SKP1: variants seen among roughly 807,000 people sequenced by gnomAD.
The protein encoded by SKP1 is S-phase kinase-associated protein 1.
Under a neutral mutation model 21.5 loss-of-function variants are expected in SKP1, and 1 was observed. The ratio of observed to expected loss-of-function variants is 0.05; its 90% confidence interval spans 0.02 to 0.22. SKP1 has a LOEUF of 0.22. SKP1 is among the 10% of genes least tolerant of loss of function. The pLI is 1.00. For missense variants in SKP1, 70 were observed against 192.0 expected (o/e 0.36, Z 3.76); for synonymous variants, 59 against 59.3 (o/e 0.99, Z 0.03).
In SKP1 at chr5:134,150,590, T is replaced by G. The variant is rs975497428; in HGVS notation, c.*7143A>C. 29 of 152,344 alleles carry G rather than the reference T, an allele frequency of 1.9e-4. No individual in the cohort carries two copies. Among genetic ancestry groups the G allele is most frequent in the African/African-American group, 7.0e-4 (29 of 41,588 alleles). 9.4% of individuals were successfully genotyped at this position (152,344 alleles called of 1,614,324 possible). The stretch of plus-strand genomic sequence containing the variant: ...AAGTTGGCTTTTCTTTGAGGTTCTT[T>G]GAGAGTCCTTAACTGCGACTCTCAG... On this transcript the variant is annotated 3_prime_UTR_variant, in exon 6 of 6. Coordinates refer to ENST00000353411, the MANE Select transcript of SKP1 (RefSeq NM_170679.3).
chr5:134,168,995 G>A (rs1273272411), intron 2 of SKP1, among the ~76,000 whole-genome samples: 1 of 152,072 alleles, frequency 6.6e-6, no homozygotes, highest in Non-Finnish European at 1.5e-5. Context: ...TCAAGCAAAT[G>A]GCTGTGTAGA....
chr5:134,174,607 T>C, intron 1 of SKP1: 1 of 360,842 alleles, frequency 2.8e-6, no homozygotes, highest in Non-Finnish European at 3.9e-6. Flanking sequence ...AAAAGCTTCA[T>C]TTCAGAGCCC....
Position 134,153,943 on chromosome 5 carries a change from T to C in SKP1, c.*3790A>G, listed in dbSNP as rs890229230. The C allele has an allele frequency of 1.7e-4, 26 of 152,342 alleles. No homozygotes were observed. Among genetic ancestry groups the C allele is most frequent in the African/African-American group, 5.5e-4 (23 of 41,580 alleles). The allele number at this position is 152,342 out of a possible 1,614,324, so 9.4% of individuals were successfully genotyped here. On this transcript the variant is annotated 3_prime_UTR_variant, in exon 6 of 6. Coordinates refer to ENST00000353411, the MANE Select transcript of SKP1 (RefSeq NM_170679.3). ...TTACCTGTCCAACCAAGTCACAATA[T>C]AGTTCTTGCTTAATTCCAGGAGCTG...
At chr5:134,158,324 G>A (rs1761156145) in intron 5 of SKP1, 131 bp downstream of exon 5, 3 of 1,564,194 alleles carry the variant, frequency 1.9e-6, no homozygotes, top group Non-Finnish European at 1.7e-6. Context: ...GTATGTTTAA[G>A]ACACATTAAG....
chr5:134,174,045 A>G (rs3815506), intron 1 of SKP1, 23 bp from the exon 2 acceptor site: 117,968 of 1,410,658 alleles, frequency 0.084, 8,529 homozygotes, highest in African/African-American at 0.33. Context: ...GACATTAAAT[A>G]TAAAATTTAA....
rs994583322 is a variant in SKP1 at position 134,152,994 on chromosome 5, C to T, written c.*4739G>A. On this transcript the variant is annotated 3_prime_UTR_variant, in exon 6 of 6. Transcript: ENST00000353411. Reference sequence around the variant, plus strand: ...AGGAGCTACACTTTAAGGATTCAGCCATTTTGTAAGCTTTCCCTTTGCTTG... The same window carrying T: ...AGGAGCTACACTTTAAGGATTCAGCTATTTTGTAAGCTTTCCCTTTGCTTG... The T allele has an allele frequency of 6.6e-6, 1 of 152,232 alleles. No individual in the cohort carries two copies. The highest frequency in any genetic ancestry group is 1.5e-5 in the Non-Finnish European group (1 of 68,040). The allele number at this position is 152,232 out of a possible 1,614,324, so 9.4% of individuals were successfully genotyped here.
In SKP1 at chr5:134,148,998, T is replaced by A. The variant is rs181448846; in HGVS notation, c.*8735A>T. 7.2e-5 allele frequency: 11 copies of A among 152,344 alleles called. No homozygotes were observed. The allele number at this position is 152,344 out of a possible 1,614,324, so 9.4% of individuals were successfully genotyped here. ...TATTTTTAGATTATTTGTATACATT[T>A]AGGGGGTACAAATGCAGCTGTGTTA... On this transcript the variant is annotated 3_prime_UTR_variant, in exon 6 of 6. Transcript: ENST00000353411.
In SKP1 at chr5:134,152,322, A is replaced by G. The variant is rs1021190646; in HGVS notation, c.*5411T>C. ...AAAGTACTGTGACTAATCCTGCCCT[A>G]ATTTCTCTTTAGTCTATATTCTCAG... On this transcript the variant is annotated 3_prime_UTR_variant, in exon 6 of 6. Coordinates refer to ENST00000353411, the MANE Select transcript of SKP1 (RefSeq NM_170679.3). 1.3e-5 allele frequency: 2 copies of G among 152,210 alleles called. No individual in the cohort carries two copies. The highest frequency in any genetic ancestry group is 2.9e-5 in the Non-Finnish European group (2 of 68,058). The allele number at this position is 152,210 out of a possible 1,614,324, so 9.4% of individuals were successfully genotyped here.
intron 4 of SKP1, among the ~76,000 whole-genome samples, chr5:134,159,431 A>C (rs1318191760): frequency 6.6e-6 from 1 of 152,116 alleles, no homozygotes; most frequent in African/African-American, 2.4e-5. Context: ...CCCAGGCTGG[A>C]ATTCAGTGGC....
At chr5:134,175,904 G>C (rs1456939804) in intron 1 of SKP1, among the ~76,000 whole-genome samples, 1 of 149,758 alleles carries the variant, frequency 6.7e-6, no homozygotes, top group Admixed American at 6.7e-5. Flanking sequence ...TCCATGGCCA[G>C]CATAAAGCGG....
At chr5:134,171,630 A>T (rs1761441507) in intron 2 of SKP1, among the ~76,000 whole-genome samples, 1 of 152,168 alleles carries the variant, frequency 6.6e-6, no homozygotes, top group Non-Finnish European at 1.5e-5. Context: ...CAGCTCTACC[A>T]ACTACAGTAT....
intron 2 of SKP1, among the ~76,000 whole-genome samples, chr5:134,171,874 G>A (rs1177707344): frequency 1.3e-5 from 2 of 152,046 alleles, no homozygotes; most frequent in African/African-American, 2.4e-5. Context: ...GAGAAACCTC[G>A]TCTCTACTAA....
chr5:134,173,823 C>T lies in SKP1; in HGVS notation c.97+103G>A, dbSNP rs1580624156. On this transcript the variant is annotated intron_variant, in intron 2 of 5. Transcript: ENST00000353411. Reference sequence around the variant, plus strand: ...AAAATGTAAACTTTACCTCTTCATACTCTCAAGCACCTTATGACAGGCTGC... The same window carrying T: ...AAAATGTAAACTTTACCTCTTCATATTCTCAAGCACCTTATGACAGGCTGC... 7 of 763,042 alleles carry T rather than the reference C, an allele frequency of 9.2e-6. No individual in the cohort carries two copies. The East Asian group carries it at 1.5e-4, about 17-fold the overall frequency. 47.3% of individuals were successfully genotyped at this position (763,042 alleles called of 1,614,324 possible). A position where few individuals can be genotyped will look rare whatever the true frequency, so the allele number is the denominator to read the frequency against.
intron 3 of SKP1, chr5:134,161,498 G>C (rs1413967743): frequency 6.3e-6 from 1 of 158,682 alleles, no homozygotes; most frequent in Non-Finnish European, 1.4e-5. Context: ...AATATGTACA[G>C]CCAATAAATG....
intron 3 of SKP1, among the ~76,000 whole-genome samples, chr5:134,166,365 G>C (rs1032659602): frequency 6.6e-6 from 1 of 151,726 alleles, no homozygotes; most frequent in Admixed American, 6.6e-5. Flanking sequence ...GGCAGATCAT[G>C]AGGTCAAGAG....
chr5:134,164,242 C>A (rs143148473), intron 3 of SKP1, among the ~76,000 whole-genome samples: 3,048 of 150,724 alleles, frequency 0.02, 31 homozygotes, highest in Middle Eastern at 0.041. Context: ...CTGCTTAAAG[C>A]CCGGAGGCAG....
intron 3 of SKP1, among the ~76,000 whole-genome samples, chr5:134,164,857 T>C (rs537860481): frequency 6.6e-6 from 1 of 152,340 alleles, no homozygotes; most frequent in Non-Finnish European, 1.5e-5. Flanking sequence ...ATGTGTATTT[T>C]ACCACAATTT....
chr5:134,160,083 C>T (rs938660772), intron 4 of SKP1, among the ~76,000 whole-genome samples: 4 of 151,812 alleles, frequency 2.6e-5, no homozygotes, highest in African/African-American at 7.3e-5. Flanking sequence ...AGGCCAGGCG[C>T]GGTGGCTCAC....
chr5:134,149,276 C>T lies in SKP1; in HGVS notation c.*8457G>A, dbSNP rs974782493. The T allele has an allele frequency of 1.3e-5, 2 of 152,198 alleles. No individual in the cohort carries two copies. The highest frequency in any genetic ancestry group is 2.9e-5 in the Non-Finnish European group (2 of 68,050). 9.4% of individuals were successfully genotyped at this position (152,198 alleles called of 1,614,324 possible). ...GTCTCCAATGTCTATTATTCCATTC[C>T]GTATCCATATACCATGTGTACTCAC... On this transcript the variant is annotated 3_prime_UTR_variant, in exon 6 of 6. Transcript: ENST00000353411.
Sources: allele counts gnomAD v4.1 joint callset (sites outside exome capture counted in the v4.1 genomes callset), GRCh38; gene constraint gnomAD v4.1.1; transcripts MANE v1.5; gene names NCBI Gene and HGNC (gene_info 2026-07-23, HGNC 2026-07-21).